Variants in HSPG2 observed in about 807,000 individuals in gnomAD.
HSPG2 encodes the protein heparan sulfate proteoglycan 2, also known as basement membrane-specific heparan sulfate proteoglycan core protein.
HSPG2 carries 278 observed loss-of-function variants against 526.6 expected under a neutral mutation model. That is an observed-to-expected ratio of 0.53 (90% CI 0.48 to 0.58). The LOEUF (loss-of-function observed/expected upper bound fraction) is 0.58, where lower values mean the gene tolerates loss of function less well. HSPG2 is among the 20% of genes least tolerant of loss of function. The pLI, the probability that HSPG2 is intolerant of heterozygous loss-of-function variation, is 0.00. For missense variants in HSPG2, 5,354 were observed against 6,099.5 expected (o/e 0.88, Z 4.07); for synonymous variants, 2,465 against 2,555.4 (o/e 0.96, Z 1.07).
At chr1:21,873,130 G>A (rs1342739834) in intron 30 of HSPG2, 39 bp from the exon 31 acceptor site, 11 of 1,524,378 alleles carry the variant, frequency 7.2e-6, no homozygotes, top group East Asian at 2.2e-5. Flanking sequence ...CCCCAAACCC[G>A]CCACCCAGCA....
intron 33 of HSPG2, chr1:21,870,217 G>C: frequency 1.0e-6 from 1 of 985,432 alleles, no homozygotes; most frequent in Non-Finnish European, 1.2e-6. Context: ...AGTTACCTGT[G>C]ATGCCCGCTG....
chr1:21,909,946 C>A (rs1030712515), intron 1 of HSPG2, among the ~76,000 whole-genome samples: 1 of 152,240 alleles, frequency 6.6e-6, no homozygotes, highest in African/African-American at 2.4e-5. Context: ...CAGGCTCCCC[C>A]CTCAGCTGCA....
chr1:21,847,437 T>A lies in HSPG2; in HGVS notation c.8081A>T (p.Tyr2694Phe), dbSNP rs1256254703. 2 of 1,613,880 alleles carry A rather than the reference T, an allele frequency of 1.2e-6. No individual in the cohort carries two copies. The highest frequency in any genetic ancestry group is 1.1e-5 in the South Asian group (1 of 91,078). The stretch of plus-strand genomic sequence containing the variant: ...GATGTTGTTGTTGGCCCGGCACACA[T>A]ACTCGCCCGAGTCAGCCACAGACAT... ...HQMSVADSGE[Y>F]VCRANNNIDA... The change falls in exon 62 of 97, where the codon TAT (tyrosine) becomes TTT (phenylalanine). Residue 2694 changes from tyrosine to phenylalanine, a missense_variant. Physicochemically the swap from Tyr to Phe is conservative, Grantham distance 22. Coordinates refer to ENST00000374695, the MANE Select transcript of HSPG2 (RefSeq NM_005529.7). The surrounding 1 kb of genome is among the most constrained non-coding windows in gnomAD (Gnocchi z 4.1).
rs1261789623 is a variant in HSPG2 at position 21,884,804 on chromosome 1, G to A, written c.1470C>T (p.Gly490=). Residue 490 remains glycine, a synonymous_variant, in exon 12 of 97, where the codon GGC becomes GGT. Transcript: ENST00000374695. The part of the protein sequence containing the change: ...EAMNARGMVF[G]IPDGVLELVP... The stretch of plus-strand genomic sequence containing the variant: ...CGAGCTCAAGGACACCGTCAGGAAT[G>A]CCAAACACCATGCCCCGGGCGTTCA... 6.2e-7 allele frequency: 1 copy of A among 1,613,780 alleles called. No individual in the cohort carries two copies.
chr1:21,862,910 A>C (rs1428505867), intron 37 of HSPG2, among the ~76,000 whole-genome samples: 2 of 151,486 alleles, frequency 1.3e-5, no homozygotes, highest in African/African-American at 4.9e-5. Flanking sequence ...AAATACAAAA[A>C]TTCGCCAGGC....
rs1642303290 is a variant in HSPG2 at position 21,890,770 on chromosome 1, G to C, written c.245-76C>G. On this transcript the variant is annotated intron_variant, in intron 3 of 96. Transcript: ENST00000374695. The surrounding 1 kb of genome is among the most constrained non-coding windows in gnomAD (Gnocchi z 4.1). ...GGCCTTAGGCAGTTGGACCATTCAG[G>C]CAGAGTTGGGGGGATGGCCCCCAGA... is the stretch of plus-strand genomic sequence containing the variant. 1.8e-6 allele frequency: 2 copies of C among 1,116,500 alleles called. No homozygotes were observed. The highest frequency in any genetic ancestry group is 3.1e-5 in the African/African-American group (2 of 65,540). The allele number at this position is 1,116,500 out of a possible 1,614,324, so 69.2% of individuals were successfully genotyped here. A position where few individuals can be genotyped will look rare whatever the true frequency, so the allele number is the denominator to read the frequency against.
chr1:21,897,142 A>G (rs1335804993), intron 1 of HSPG2, among the ~76,000 whole-genome samples: 1 of 152,196 alleles, frequency 6.6e-6, no homozygotes, highest in Non-Finnish European at 1.5e-5. Context: ...CCTAGACAAG[A>G]TCCGGATGAT....
rs778869944 is a variant in HSPG2, at chr1:21,857,106, G to A, written c.5484C>T (p.Arg1828=). The A allele has an allele frequency of 3.7e-6, 6 of 1,614,046 alleles. No individual in the cohort carries two copies. The highest frequency in any genetic ancestry group is 3.3e-5 in the Admixed American group (2 of 60,002). Residue 1828 remains arginine, a synonymous_variant, in exon 44 of 97, where the codon CGC becomes CGT. Transcript: ENST00000374695. ...AMDFNGILTI[R]NVQLSDAGTY... is the part of the protein sequence containing the mutation. ...TGCCTGCATCACTCAGCTGGACGTT[G>A]CGAATGGTCAGGATGCCATTGAAAT...
At chr1:21,845,537 C>T (rs1231342276) in intron 64 of HSPG2, among the ~76,000 whole-genome samples, 1 of 151,984 alleles carries the variant, frequency 6.6e-6, no homozygotes, top group African/African-American at 2.4e-5. Context: ...CGCCACCACA[C>T]CCAGGTAATT....
chr1:21,832,696 T>C (rs2098009787), intron 80 of HSPG2, 90 bp from the exon 81 acceptor site: 2 of 955,416 alleles, frequency 2.1e-6, no homozygotes, highest in African/African-American at 1.6e-5. Flanking sequence ...CTCTTGAGCC[T>C]GTCCACTCTC....
chr1:21,888,507 C>T (rs1042861765), intron 6 of HSPG2, among the ~76,000 whole-genome samples: 5 of 152,154 alleles, frequency 3.3e-5, no homozygotes, highest in African/African-American at 1.2e-4. Context: ...GGTCTTGCTA[C>T]GTTGCCCAAG....
chr1:21,859,653 C>T lies in HSPG2; in HGVS notation c.5206G>A (p.Val1736Ile), dbSNP rs200506675. Residue 1736 changes from valine to isoleucine, a missense_variant, in exon 42 of 97, where the codon GTC becomes ATC. Transcript: ENST00000374695. This position sits in a 1 kb window ranked among gnomAD's most constrained non-coding sequence, Gnocchi z 5.3. The part of the protein sequence containing the change: ...HQGSELHFPS[V>I]QPSDAGVYIC... ...TAGACCCCAGCATCCGAGGGCTGGA[C>T]GCTGGGGAAGTGGAGCTCGGAGCCT... is the stretch of plus-strand genomic sequence containing the variant. 614 of 1,608,646 alleles carry T rather than the reference C, an allele frequency of 3.8e-4. 1 individual carries two copies. Among genetic ancestry groups the T allele is most frequent in the Non-Finnish European group, 4.2e-4 (497 of 1,177,702 alleles).
At position 21,839,736 on chromosome 1, in the gene HSPG2, C is replaced by T. The variant is rs889238531; in HGVS notation, c.9709+86G>A. 6.7e-6 allele frequency: 10 copies of T among 1,488,010 alleles called. No homozygotes were observed. Among genetic ancestry groups the T allele is most frequent in the Admixed American group, 1.8e-5 (1 of 55,288 alleles). The allele number at this position is 1,488,010 out of a possible 1,614,324, so 92.2% of individuals were successfully genotyped here. On this transcript the variant is annotated intron_variant, in intron 72 of 96. Transcript: ENST00000374695. The surrounding 1 kb of genome is among the most constrained non-coding windows in gnomAD (Gnocchi z 4.5). ...CCGTACTCCCCACCCCTGGGCATGA[C>T]ATCATCTCTAGATCACATGTGTCTA...
intron 1 of HSPG2, among the ~76,000 whole-genome samples, chr1:21,897,456 C>T (rs1642831560): frequency 6.6e-6 from 1 of 152,186 alleles, no homozygotes; most frequent in East Asian, 1.9e-4. Flanking sequence ...CCCCTTCCCT[C>T]CCCACCCCTA....
chr1:21,853,951 C>T (rs1639125212), intron 50 of HSPG2: 1 of 533,226 alleles, frequency 1.9e-6, no homozygotes. Flanking sequence ...TAGTATTCAA[C>T]CTGGACATTC....
chr1:21,880,385 C>A lies in HSPG2; in HGVS notation c.2173G>T (p.Ala725Ser). Residue 725 changes from alanine (A) to serine (S), a missense_variant, in exon 16 of 97, where the codon GCC (alanine) becomes TCC (serine). Transcript: ENST00000374695. Reference sequence around the variant, plus strand: ...CACCTGCACTCCTCCACACTGTGGGCACGGCCATGGCTGGTGGCATGGGTG... The same window carrying A: ...CACCTGCACTCCTCCACACTGTGGGAACGGCCATGGCTGGTGGCATGGGTG... ...TVTHATSHGR[A>S]HSVEECRCPI... 6.2e-7 allele frequency: 1 copy of A among 1,614,148 alleles called. No homozygotes were observed. The highest frequency in any genetic ancestry group is 8.5e-7 in the Non-Finnish European group (1 of 1,180,038).
chr1:21,845,982 A>C, intron 64 of HSPG2, 126 bp downstream of exon 64: 1 of 1,194,136 alleles, frequency 8.4e-7, no homozygotes, highest in Non-Finnish European at 1.2e-6. Flanking sequence ...CGGGAGGTGA[A>C]GTCTGGAATC....
At position 21,876,281 on chromosome 1, in the gene HSPG2, A is replaced by G. The variant is rs776853465; in HGVS notation, c.2951T>C (p.Leu984Pro). 6.2e-7 allele frequency: 1 copy of G among 1,613,884 alleles called. No homozygotes were observed. The highest frequency in any genetic ancestry group is 8.5e-7 in the Non-Finnish European group (1 of 1,179,960). Residue 984 changes from leucine to proline, a missense_variant, in exon 23 of 97, where the codon CTC becomes CCC. By Grantham distance (98) the Leu-to-Pro change is moderately conservative. Transcript: ENST00000374695. ...GCTCCAGAAGTAGGGTCCAGATAAG[A>G]GTCTGTGGAAGGAGGAGAATCCCAG... ...GELGFSSFHRLLSGPYFWSLP... is the reference protein window; with the variant it reads ...GELGFSSFHRPLSGPYFWSLP...
At position 21,852,965 on chromosome 1, in the gene HSPG2, T is replaced by C. The variant is rs1401615464; in HGVS notation, c.6545A>G (p.Gln2182Arg). 2 of 1,613,548 alleles carry C rather than the reference T, an allele frequency of 1.2e-6. No homozygotes were observed. Among genetic ancestry groups the C allele is most frequent in the Admixed American group, 1.7e-5 (1 of 60,014 alleles). Residue 2182 changes from glutamine (Q) to arginine (R), a missense_variant, in exon 51 of 97, where the codon CAG becomes CGG. Gln to Arg is a conservative substitution (Grantham distance 43). Coordinates refer to ENST00000374695, the MANE Select transcript of HSPG2 (RefSeq NM_005529.7). ...NCVVPGQAHA[Q>R]VTWHKRGGSL... ...GCCCCCACGCTTGTGCCACGTGACC[T>C]GGGCGTGGGCCTGCCCGGGCACCAC... is the stretch of plus-strand genomic sequence containing the variant.
Sources: gnomAD v4.1 joint callset for allele counts (sites outside exome capture counted in the v4.1 genomes callset) on GRCh38, gnomAD v4.1.1 for gene constraint, Gnocchi (gnomAD v3.1) non-coding constraint, MANE v1.5 for transcripts, NCBI Gene and HGNC (gene_info 2026-07-23, HGNC 2026-07-21) for gene names.